Variants in WNK3 observed in about 807,000 individuals in gnomAD.
WNK3 encodes WNK lysine deficient protein kinase 3.
Under a neutral mutation model 116.7 loss-of-function variants are expected in WNK3, and 18 were observed. The ratio of observed to expected loss-of-function variants is 0.15; its 90% confidence interval spans 0.11 to 0.23. The LOEUF is 0.23. Among genes scored for constraint, WNK3 ranks in the 10% least tolerant of loss-of-function variants. WNK3 has a pLI of 1.00. For synonymous variants in WNK3, 404 were observed against 469.4 expected (o/e 0.86, Z 1.80); for missense variants, 993 against 1,323.8 (o/e 0.75, Z 3.88).
chrX:54,345,252 ACAAC>A (rs2069400123), intron 1 of WNK3, among the ~76,000 whole-genome samples: 1 of 102,284 alleles, frequency 9.8e-6, no homozygotes, highest in Admixed American at 1.1e-4. Flanking sequence ...AACAACAACA[ACAAC>A]AACAACAACA....
intron 10 of WNK3, among the ~76,000 whole-genome samples, chrX:54,285,300 C>T (rs1248004933): frequency 9.0e-6 from 1 of 111,450 alleles, no homozygotes; most frequent in African/African-American, 3.3e-5. Flanking sequence ...CCCAGCTACT[C>T]AGGAGGCTGA....
chrX:54,303,845 C>T (rs1200416068), intron 5 of WNK3, among the ~76,000 whole-genome samples: 1 of 111,505 alleles, frequency 9.0e-6, no homozygotes, highest in Non-Finnish European at 1.9e-5. Flanking sequence ...CACTGATATA[C>T]TCATTTCTCA....
intron 1 of WNK3, among the ~76,000 whole-genome samples, chrX:54,344,311 C>T (rs548671524): frequency 8.2e-5 from 9 of 110,313 alleles, no homozygotes; most frequent in Admixed American, 7.8e-4. Flanking sequence ...GGCGTCGTGG[C>T]GGGCGCCTGT....
At chrX:54,225,020 T>C (rs1374664402) in intron 22 of WNK3, among the ~76,000 whole-genome samples, 1 of 110,096 alleles carries the variant, frequency 9.1e-6, no homozygotes, top group East Asian at 2.8e-4. Flanking sequence ...ATACATACTT[T>C]TCTTTAGCAT....
chrX:54,321,030 G>A (rs1176630780), intron 2 of WNK3, among the ~76,000 whole-genome samples: 2 of 110,083 alleles, frequency 1.8e-5, no homozygotes, highest in Non-Finnish European at 3.8e-5. Context: ...CTGAGTAGCT[G>A]GGATTACAGG....
At position 54,222,939 on chromosome X, in the gene WNK3, T is replaced by A. The variant is rs1161511368; in HGVS notation, c.4870+5775A>T. ...TAATATATATATATATATATATATA[T>A]AAAAAAAGACACAATAGAATTTAAA... On this transcript the variant is annotated intron_variant, in intron 22 of 23. Coordinates refer to ENST00000354646, the Ensembl canonical transcript of WNK3. 7.8e-4 allele frequency among the ~76,000 whole-genome samples: 70 copies of A among 89,702 alleles called. 1 individual carries two copies. The highest frequency in any genetic ancestry group is 3.5e-3 in the South Asian group (7 of 2,002). 77.9% of individuals were successfully genotyped at this position (89,702 alleles called of 115,157 possible).
exon 3 of WNK3, chrX:54,311,172 T>C (rs1557169600): frequency 8.4e-7 from 1 of 1,196,392 alleles, no homozygotes; most frequent in South Asian, 1.8e-5. Context: ...TACATTTCTT[T>C]CCTTTTAATA....
At chrX:54,314,225 A>G (rs1484392969) in intron 2 of WNK3, among the ~76,000 whole-genome samples, 2 of 107,312 alleles carry the variant, frequency 1.9e-5, no homozygotes, top group African/African-American at 6.8e-5. Context: ...AAAACAAAAC[A>G]CATTGCCACT....
intron 22 of WNK3, among the ~76,000 whole-genome samples, chrX:54,218,654 C>T (rs1557145918): frequency 9.2e-6 from 1 of 108,993 alleles, no homozygotes; most frequent in East Asian, 2.8e-4. Context: ...GAGGCCAAGG[C>T]AGGCAGATCA....
chrX:54,249,077 T>C (rs1289170230), exon 17 of WNK3: 2 of 1,210,029 alleles, frequency 1.7e-6, no homozygotes, highest in African/African-American at 3.5e-5. Context: ...TCCAGGACAG[T>C]AGTGGGTTGA....
chrX:54,349,370 A>G (rs2069481616), intron 1 of WNK3, among the ~76,000 whole-genome samples: 1 of 111,689 alleles, frequency 9.0e-6, no homozygotes, highest in Admixed American at 9.6e-5. Flanking sequence ...AAACAAAAAC[A>G]ATTATCCTGT....
At chrX:54,291,415 A>G (rs1268170507) in intron 10 of WNK3, among the ~76,000 whole-genome samples, 2 of 112,529 alleles carry the variant, frequency 1.8e-5, no homozygotes, top group Non-Finnish European at 3.7e-5. Flanking sequence ...TCTTTTTCAT[A>G]ACTTTATGGG....
chrX:54,291,214 G>A (rs1557165004), intron 10 of WNK3, among the ~76,000 whole-genome samples: 1 of 110,767 alleles, frequency 9.0e-6, no homozygotes, highest in African/African-American at 3.3e-5. Flanking sequence ...TCGGGAGGCT[G>A]TGGCAGAAGA....
chrX:54,307,219 C>CA (rs781986409), intron 5 of WNK3, among the ~76,000 whole-genome samples: 1,581 of 53,285 alleles, frequency 0.03, 16 homozygotes, highest in Non-Finnish European at 0.044. Flanking sequence ...GACTGTGTCT[C>CA]AAAAAAAAAA....
intron 1 of WNK3, among the ~76,000 whole-genome samples, chrX:54,352,950 G>A (rs904040329): frequency 6.3e-5 from 7 of 111,896 alleles, no homozygotes; most frequent in Non-Finnish European, 1.1e-4. Flanking sequence ...TCAAAAACAT[G>A]CTGAGTGAAA....
chrX:54,308,385 T>A (rs2068849878), intron 4 of WNK3, among the ~76,000 whole-genome samples: 1 of 109,143 alleles, frequency 9.2e-6, no homozygotes, highest in African/African-American at 3.3e-5. Flanking sequence ...AGAGACGGGG[T>A]TTCACCATGT....
chrX:54,242,973 A>AT lies in WNK3; in HGVS notation c.3652-3875dup, dbSNP rs200541173. Among the ~76,000 whole-genome samples, 12 of 109,483 alleles carry AT rather than the reference A, an allele frequency of 1.1e-4. No homozygotes were observed. The East Asian group carries it at 1.4e-3, about 13-fold the overall frequency. On this transcript the variant is annotated intron_variant, in intron 17 of 23. Coordinates refer to ENST00000354646, the Ensembl canonical transcript of WNK3. ...GACTTAGCATCCAGAATATACAAAGATTTTTTTTATTTTATTTTATAGAGA... is the reference window on the plus strand; with the variant it reads ...GACTTAGCATCCAGAATATACAAAGATTTTTTTTTATTTTATTTTATAGAGA...
chrX:54,297,403 C>G (rs1197260816), intron 7 of WNK3, among the ~76,000 whole-genome samples: 4 of 110,013 alleles, frequency 3.6e-5, no homozygotes, highest in South Asian at 3.9e-4. Context: ...ATGGTGAAAC[C>G]ACATCTCTAC....
At chrX:54,350,888 G>A (rs929489886) in intron 1 of WNK3, among the ~76,000 whole-genome samples, 1 of 111,170 alleles carries the variant, frequency 9.0e-6, no homozygotes, top group East Asian at 2.8e-4. Flanking sequence ...TTTAAAAAAT[G>A]CAAGATGGAT....
Sources: allele counts gnomAD v4.1 joint callset (sites outside exome capture counted in the v4.1 genomes callset), GRCh38; gene constraint gnomAD v4.1.1; transcripts MANE v1.5; gene names NCBI Gene and HGNC (gene_info 2026-07-23, HGNC 2026-07-21).